The following MAP3K5 variants were observed in gnomAD, a reference collection of about 807,000 sequenced individuals.
MAP3K5 encodes mitogen-activated protein kinase kinase kinase 5.
In MAP3K5, 56 loss-of-function variants were observed where a neutral mutation model predicts 158.7. The observed-to-expected ratio is 0.35, with a 90% CI of 0.28 to 0.44. The LOEUF (loss-of-function observed/expected upper bound fraction) is 0.44, where lower values mean the gene tolerates loss of function less well. Ranked by LOEUF, MAP3K5 falls within the 20% of genes least tolerant of loss-of-function variation. The pLI is 1.00. For synonymous variants in MAP3K5, 579 were observed against 601.7 expected, an observed-to-expected ratio of 0.96 and a Z score of 0.55; for missense variants, 1,294 against 1,674.8, an observed-to-expected ratio of 0.77 and a Z score of 3.97.
At chr6:136,692,995 T>C (rs1009419457) in intron 7 of MAP3K5, among the ~76,000 whole-genome samples, 5 of 152,204 alleles carry the variant, frequency 3.3e-5, no homozygotes, top group Non-Finnish European at 7.4e-5. Flanking sequence ...CCAATAGTCA[T>C]ACATAATTTG....
chr6:136,632,269 C>T (rs1186704064), intron 14 of MAP3K5, among the ~76,000 whole-genome samples: 1 of 152,048 alleles, frequency 6.6e-6, no homozygotes, highest in Non-Finnish European at 1.5e-5. Flanking sequence ...GTCCGTAATC[C>T]CAGCATTTTG....
intron 21 of MAP3K5, among the ~76,000 whole-genome samples, chr6:136,595,902 C>T (rs1775606105): frequency 6.6e-6 from 1 of 151,926 alleles, no homozygotes; most frequent in East Asian, 1.9e-4. Context: ...GACAGCTACT[C>T]AGGAGGCTGA....
At chr6:136,604,885 C>T (rs369470634) in intron 19 of MAP3K5, among the ~76,000 whole-genome samples, 5 of 152,020 alleles carry the variant, frequency 3.3e-5, no homozygotes, top group Non-Finnish European at 5.9e-5. Flanking sequence ...TCTTCATTCA[C>T]GGAAAATTTT....
In MAP3K5 at chr6:136,605,766, A is replaced by C. The variant is rs182598860; in HGVS notation, c.2522-400T>G. Among the ~76,000 whole-genome samples, 16 of 152,362 alleles carry C rather than the reference A, an allele frequency of 1.1e-4. No individual in the cohort carries two copies. In the East Asian group the frequency reaches 2.9e-3, roughly 28 times the overall value. On this transcript the variant is annotated intron_variant, in intron 18 of 29. Coordinates refer to ENST00000359015, the MANE Select transcript of MAP3K5 (RefSeq NM_005923.4). ...ATTATGTAAACTTCTAATCTTTTCC[A>C]GAAGAGAATATAGTTCATTCATCCA...
intron 1 of MAP3K5, among the ~76,000 whole-genome samples, chr6:136,782,775 A>ACAGG (rs1784672213): frequency 6.6e-6 from 1 of 152,246 alleles, no homozygotes; most frequent in Admixed American, 6.5e-5. Context: ...CTCCCCTAAG[A>ACAGG]AAATTATCAC....
chr6:136,717,511 T>G (rs1001621098), intron 2 of MAP3K5, among the ~76,000 whole-genome samples: 2 of 152,196 alleles, frequency 1.3e-5, no homozygotes, highest in African/African-American at 4.8e-5. Context: ...ATGACAAGAA[T>G]AGCATTCTAA....
At chr6:136,726,905 A>C (rs1047298829) in intron 1 of MAP3K5, among the ~76,000 whole-genome samples, 8 of 152,132 alleles carry the variant, frequency 5.3e-5, no homozygotes, top group African/African-American at 1.7e-4. Context: ...TTACATGGAC[A>C]GTCACGTAAT....
chr6:136,574,732 A>G (rs1209304304), intron 25 of MAP3K5, among the ~76,000 whole-genome samples: 1 of 122,436 alleles, frequency 8.2e-6, no homozygotes, highest in African/African-American at 3.3e-5. Flanking sequence ...TCTTTCACCC[A>G]GGCTGGAGTG....
intron 1 of MAP3K5, among the ~76,000 whole-genome samples, chr6:136,734,811 G>A (rs1782386865): frequency 6.6e-6 from 1 of 152,152 alleles, no homozygotes; most frequent in Non-Finnish European, 1.5e-5. Context: ...ACACAGAGTA[G>A]CCCTTTGTAA....
chr6:136,767,320 A>C (rs891816437), intron 1 of MAP3K5, among the ~76,000 whole-genome samples: 6 of 151,906 alleles, frequency 3.9e-5, no homozygotes, highest in Admixed American at 6.6e-5. Context: ...GAGAGAGAAT[A>C]GAAAGGAAGG....
At chr6:136,561,507 C>T (rs1432722211) in intron 28 of MAP3K5, 26 bp downstream of exon 28, 1 of 1,509,534 alleles carries the variant, frequency 6.6e-7, no homozygotes, top group Admixed American at 1.7e-5. Flanking sequence ...TGAAAGAATA[C>T]TTGTCCCACA....
At chr6:136,774,716 C>T (rs1784341566) in intron 1 of MAP3K5, among the ~76,000 whole-genome samples, 1 of 152,208 alleles carries the variant, frequency 6.6e-6, no homozygotes, top group Non-Finnish European at 1.5e-5. Flanking sequence ...ATAACTAAAA[C>T]ACCACTGGGG....
intron 11 of MAP3K5, among the ~76,000 whole-genome samples, chr6:136,646,307 A>C (rs1329377867): frequency 6.6e-6 from 1 of 152,204 alleles, no homozygotes; most frequent in Non-Finnish European, 1.5e-5. Flanking sequence ...TTGTAACCCT[A>C]TTTAATGCAC....
intron 2 of MAP3K5, among the ~76,000 whole-genome samples, chr6:136,715,612 T>C (rs1781484527): frequency 6.6e-6 from 1 of 152,220 alleles, no homozygotes; most frequent in Non-Finnish European, 1.5e-5. Flanking sequence ...CAATATTTTA[T>C]ATAGATGGTA....
intron 21 of MAP3K5, among the ~76,000 whole-genome samples, chr6:136,595,258 C>G (rs1775571538): frequency 1.3e-5 from 2 of 152,236 alleles, no homozygotes; most frequent in South Asian, 4.1e-4. Flanking sequence ...GCTGGGATTA[C>G]AGGCATGTGC....
intron 13 of MAP3K5, among the ~76,000 whole-genome samples, chr6:136,638,280 A>C (rs1352428305): frequency 6.6e-6 from 1 of 152,216 alleles, no homozygotes; most frequent in Admixed American, 6.5e-5. Flanking sequence ...TGCATCAGCC[A>C]CTCATGCAAA....
chr6:136,790,776 T>C (rs1326977421), intron 1 of MAP3K5, among the ~76,000 whole-genome samples: 1 of 152,236 alleles, frequency 6.6e-6, no homozygotes, highest in African/African-American at 2.4e-5. Flanking sequence ...TAAATATGTA[T>C]ATATTCTCAA....
At chr6:136,608,687 C>G (rs886641660) in intron 18 of MAP3K5, among the ~76,000 whole-genome samples, 1 of 152,140 alleles carries the variant, frequency 6.6e-6, no homozygotes, top group East Asian at 1.9e-4. Context: ...GTTATTCAAC[C>G]TCTTTGAACC....
intron 1 of MAP3K5, among the ~76,000 whole-genome samples, chr6:136,737,065 A>T (rs1782508526): frequency 6.8e-6 from 1 of 146,852 alleles, no homozygotes; most frequent in Non-Finnish European, 1.5e-5. Flanking sequence ...ATAAACTTAG[A>T]TGTGATTATA....
Sources: allele counts gnomAD v4.1 joint callset (sites outside exome capture counted in the v4.1 genomes callset), GRCh38; gene constraint gnomAD v4.1.1; transcripts MANE v1.5; gene names NCBI Gene and HGNC (gene_info 2026-07-23, HGNC 2026-07-21).